Variants in ME3 observed in about 807,000 individuals in gnomAD.
ME3 encodes the protein malic enzyme 3.
ME3 carries 48 observed loss-of-function variants against 68.9 expected under a neutral mutation model. That is an observed-to-expected ratio of 0.70 (90% CI 0.55 to 0.89). ME3 has a LOEUF of 0.89. Ranked by LOEUF, ME3 falls within the 40% of genes least tolerant of loss-of-function variation. The pLI, the probability that ME3 is intolerant of heterozygous loss-of-function variation, is 0.00. For missense variants in ME3, 675 were observed against 797.4 expected (o/e 0.85, Z 1.85); for synonymous variants, 320 against 318.8 (o/e 1.00, Z -0.04).
At chr11:86,499,689 C>T (rs998638400) in intron 5 of ME3, among the ~76,000 whole-genome samples, 1 of 152,154 alleles carries the variant, frequency 6.6e-6, no homozygotes, top group African/African-American at 2.4e-5. Flanking sequence ...CTGGAGAGTG[C>T]AAGAGATCCA....
intron 4 of ME3, among the ~76,000 whole-genome samples, chr11:86,545,651 A>G (rs1956318887): frequency 1.3e-5 from 2 of 152,244 alleles, no homozygotes; most frequent in Admixed American, 1.3e-4. Context: ...ACCACTGCTC[A>G]AGGAAATAAG....
At chr11:86,576,191 T>C (rs1310031777) in intron 2 of ME3, among the ~76,000 whole-genome samples, 1 of 152,190 alleles carries the variant, frequency 6.6e-6, no homozygotes, top group Non-Finnish European at 1.5e-5. Flanking sequence ...GAGGACATGA[T>C]TAATTCTCTG....
At chr11:86,506,723 C>G (rs987736275) in intron 5 of ME3, among the ~76,000 whole-genome samples, 1 of 152,204 alleles carries the variant, frequency 6.6e-6, no homozygotes, top group Non-Finnish European at 1.5e-5. Flanking sequence ...GTGTAAGCAT[C>G]TACTGAGTGC....
intron 4 of ME3, among the ~76,000 whole-genome samples, chr11:86,530,331 G>T (rs1171893248): frequency 6.6e-6 from 1 of 152,048 alleles, no homozygotes; most frequent in Admixed American, 6.6e-5. Flanking sequence ...ACAAACCACT[G>T]CTCAATGAAA....
intron 2 of ME3, among the ~76,000 whole-genome samples, chr11:86,646,322 G>T (rs945266861): frequency 6.6e-5 from 10 of 152,184 alleles, no homozygotes; most frequent in Non-Finnish European, 1.5e-4. Flanking sequence ...TACAGGAACT[G>T]CTAACTAGAA....
intron 6 of ME3, among the ~76,000 whole-genome samples, chr11:86,490,700 C>T (rs1410300555): frequency 1.3e-5 from 2 of 152,126 alleles, no homozygotes; most frequent in African/African-American, 4.8e-5. Context: ...ATAAAAATGA[C>T]TGAAAATAGT....
At chr11:86,600,207 C>T (rs1194958368) in intron 2 of ME3, among the ~76,000 whole-genome samples, 1 of 151,976 alleles carries the variant, frequency 6.6e-6, no homozygotes, top group African/African-American at 2.4e-5. Context: ...TCAGGAAACC[C>T]ATCTCACGTG....
At chr11:86,648,264 A>C (rs935522696) in intron 2 of ME3, among the ~76,000 whole-genome samples, 1 of 152,150 alleles carries the variant, frequency 6.6e-6, no homozygotes, top group Non-Finnish European at 1.5e-5. Context: ...AAGCAGTATT[A>C]AGAGGGGAGT....
Position 86,540,350 on chromosome 11 carries a change from C to T in ME3, c.467+16203G>A, listed in dbSNP as rs570392292. Among the ~76,000 whole-genome samples the T allele has an allele frequency of 2.1e-3, 324 of 152,320 alleles. 1 individual carries two copies. Among genetic ancestry groups the T allele is most frequent in the African/African-American group, 7.7e-3 (320 of 41,570 alleles). On this transcript the variant is annotated intron_variant, in intron 4 of 14. Coordinates refer to ENST00000543262, the Ensembl canonical transcript of ME3. ...GGTTCTCCTATCCAGTCTACCGCTA[C>T]TGGACATTCTCTCTTACATGTTAGC...
chr11:86,569,847 A>C (rs1234224381), intron 2 of ME3, among the ~76,000 whole-genome samples: 4 of 152,228 alleles, frequency 2.6e-5, no homozygotes, highest in African/African-American at 9.6e-5. Context: ...AGTAGAACCC[A>C]GGCCTAAATA....
chr11:86,567,363 G>A (rs950363432), intron 2 of ME3, among the ~76,000 whole-genome samples: 10 of 152,178 alleles, frequency 6.6e-5, no homozygotes, highest in African/African-American at 2.4e-4. Context: ...GTAAAACTTT[G>A]AATACTGGGC....
At chr11:86,514,915 G>A (rs1376746834) in intron 4 of ME3, among the ~76,000 whole-genome samples, 1 of 152,220 alleles carries the variant, frequency 6.6e-6, no homozygotes, top group Non-Finnish European at 1.5e-5. Flanking sequence ...CTGGCAAAAT[G>A]TCCAGAGAGA....
intron 2 of ME3, among the ~76,000 whole-genome samples, chr11:86,619,717 G>C (rs1407542934): frequency 6.6e-6 from 1 of 152,176 alleles, no homozygotes; most frequent in East Asian, 1.9e-4. Context: ...AGTCCATTAA[G>C]CCTCCTTTTC....
intron 2 of ME3, among the ~76,000 whole-genome samples, chr11:86,585,593 C>T (rs751028762): frequency 1.4e-4 from 21 of 152,148 alleles, no homozygotes; most frequent in Non-Finnish European, 8.8e-5. Flanking sequence ...TCAAGTTTTA[C>T]TTTATATACA....
chr11:86,568,560 G>C (rs1030711647), intron 2 of ME3, among the ~76,000 whole-genome samples: 3 of 152,140 alleles, frequency 2.0e-5, no homozygotes, highest in African/African-American at 4.8e-5. Flanking sequence ...AAGTTACCAG[G>C]ATGAAATTTA....
At chr11:86,664,555 T>C (rs1356756563) in intron 2 of ME3, among the ~76,000 whole-genome samples, 1 of 152,206 alleles carries the variant, frequency 6.6e-6, no homozygotes, top group Non-Finnish European at 1.5e-5. Flanking sequence ...CCCCATTCCA[T>C]ATTTCCTTGA....
At chr11:86,571,720 A>G (rs1957805048) in intron 2 of ME3, among the ~76,000 whole-genome samples, 1 of 152,254 alleles carries the variant, frequency 6.6e-6, no homozygotes, top group Admixed American at 6.5e-5. Context: ...GGCTCTGGCC[A>G]CCTGGTGGAG....
the ME3 span, chr11:86,435,242 G>A: frequency 6.6e-6 from 1 of 152,174 alleles, no homozygotes; most frequent in African/African-American, 2.4e-5. Context: ...CTGTAATTTT[G>A]AAAATCTCTC....
chr11:86,511,790 C>T (rs1229439429), intron 4 of ME3, among the ~76,000 whole-genome samples: 1 of 152,122 alleles, frequency 6.6e-6, no homozygotes, highest in East Asian at 1.9e-4. Context: ...CCTAGTTGCT[C>T]CTGTAGATAA....
Sources: allele counts gnomAD v4.1 joint callset (sites outside exome capture counted in the v4.1 genomes callset), GRCh38; gene constraint gnomAD v4.1.1; transcripts MANE v1.5; gene names NCBI Gene and HGNC (gene_info 2026-07-23, HGNC 2026-07-21).